Variants in ANKRD30BL observed in about 807,000 individuals in gnomAD.
ANKRD30BL encodes the protein putative ankyrin repeat domain-containing protein 30B-like.
A neutral mutation model predicts 18.4 loss-of-function variants in ANKRD30BL; 20 were observed. The ratio of observed to expected loss-of-function variants is 1.09; its 90% CI spans 0.77 to 1.58. ANKRD30BL has a LOEUF of 1.58. Among genes scored for constraint, ANKRD30BL ranks in the 40% most tolerant of loss-of-function variants. ANKRD30BL has a pLI of 0.00. For synonymous variants in ANKRD30BL, 72 were observed against 100.9 expected (o/e 0.71, Z 1.72); for missense variants, 224 against 268.6 (o/e 0.83, Z 1.16).
chr2:132,181,249 G>A (rs1321452477), intron 1 of ANKRD30BL, among the ~76,000 whole-genome samples: 1 of 151,976 alleles, frequency 6.6e-6, no homozygotes, highest in Non-Finnish European at 1.5e-5. Context: ...TGACGTGGGC[G>A]GATTGCCTGA....
At chr2:132,237,806 C>A (rs561382063) in intron 1 of ANKRD30BL, among the ~76,000 whole-genome samples, 2 of 152,120 alleles carry the variant, frequency 1.3e-5, no homozygotes, top group African/African-American at 4.8e-5. Context: ...AAAAACTAGA[C>A]AGAAGAATTC....
intron 1 of ANKRD30BL, among the ~76,000 whole-genome samples, chr2:132,187,687 T>C (rs1257193085): frequency 6.6e-6 from 1 of 152,168 alleles, no homozygotes; most frequent in East Asian, 1.9e-4. Flanking sequence ...AAAACATTTA[T>C]TTGTCCCAGG....
intron 1 of ANKRD30BL, chr2:132,256,930 G>A (rs750708648): frequency 1.7e-5 from 8 of 484,594 alleles, no homozygotes; most frequent in Admixed American, 1.5e-4. Flanking sequence ...GCGAGGGCAA[G>A]GGCACCTGGG....
At chr2:132,155,354 A>G (rs1213850460) in intron 3 of ANKRD30BL, 4 of 152,196 alleles carry the variant, frequency 2.6e-5, no homozygotes, top group Non-Finnish European at 4.4e-5. Context: ...TTTCAGGGAT[A>G]CAGTTTTGAA....
intron 1 of ANKRD30BL, among the ~76,000 whole-genome samples, chr2:132,224,312 A>T (rs1171586679): frequency 6.6e-6 from 1 of 152,170 alleles, no homozygotes; most frequent in African/African-American, 2.4e-5. Flanking sequence ...ATCTTTATAT[A>T]AAAATGAGAC....
intron 1 of ANKRD30BL, among the ~76,000 whole-genome samples, chr2:132,201,111 G>A (rs947130946): frequency 1.3e-5 from 2 of 151,996 alleles, no homozygotes; most frequent in Non-Finnish European, 1.5e-5. Context: ...GCTGAAACTG[G>A]ATCCCTTCCT....
At chr2:132,226,013 A>C (rs1679834675) in intron 1 of ANKRD30BL, among the ~76,000 whole-genome samples, 1 of 151,934 alleles carries the variant, frequency 6.6e-6, no homozygotes, top group Non-Finnish European at 1.5e-5. Flanking sequence ...AAGTATCTTC[A>C]CATAAAAACT....
At chr2:132,239,234 C>G (rs536926241) in intron 1 of ANKRD30BL, among the ~76,000 whole-genome samples, 4 of 151,594 alleles carry the variant, frequency 2.6e-5, no homozygotes, top group Non-Finnish European at 5.9e-5. Flanking sequence ...TTGAAACACT[C>G]TTTGTAGAAT....
At chr2:132,193,113 C>T (rs1223013791) in intron 1 of ANKRD30BL, among the ~76,000 whole-genome samples, 4 of 152,160 alleles carry the variant, frequency 2.6e-5, no homozygotes, top group African/African-American at 9.7e-5. Flanking sequence ...CACTCAATAA[C>T]CAATCAGACA....
intron 1 of ANKRD30BL, among the ~76,000 whole-genome samples, chr2:132,199,209 A>G (rs1008871317): frequency 6.6e-6 from 1 of 152,028 alleles, no homozygotes; most frequent in African/African-American, 2.4e-5. Flanking sequence ...ATTTAAAAAA[A>G]ATTAGCTTGG....
chr2:132,179,481 G>T (rs1466247126), intron 1 of ANKRD30BL, among the ~76,000 whole-genome samples: 2 of 151,842 alleles, frequency 1.3e-5, no homozygotes, highest in East Asian at 1.9e-4. Context: ...TAGAAACAGG[G>T]TTTCACCATG....
intron 1 of ANKRD30BL, among the ~76,000 whole-genome samples, chr2:132,209,567 A>C (rs13433038): frequency 0.039 from 5,873 of 152,256 alleles, 391 homozygotes; most frequent in African/African-American, 0.13. Flanking sequence ...TGATGTGTGC[A>C]TTCATCTCAC....
In ANKRD30BL at chr2:132,232,766, A is replaced by C. The variant is rs930500613; in HGVS notation, n.441+24763T>G. Among the ~76,000 whole-genome samples the C allele has an allele frequency of 8.5e-5, 13 of 152,168 alleles. No individual in the cohort carries two copies. In the South Asian group the frequency reaches 1.4e-3, roughly 17 times the overall value. On this transcript the variant is annotated intron_variant and non_coding_transcript_variant, in intron 1 of 4. Coordinates refer to the ANKRD30BL transcript ENST00000470729. ...CCCAAGTTGGAAAACACTCTGCAGGATATTACCCAGGAGAACTTCCCCAAT... is the reference window on the plus strand; with the variant it reads ...CCCAAGTTGGAAAACACTCTGCAGGCTATTACCCAGGAGAACTTCCCCAAT...
chr2:132,149,511 A>C (rs1006704139), intron 5 of ANKRD30BL, among the ~76,000 whole-genome samples: 1 of 152,234 alleles, frequency 6.6e-6, no homozygotes, highest in Non-Finnish European at 1.5e-5. Flanking sequence ...TTCTGCACTC[A>C]GTAGGTATCT....
chr2:132,198,289 T>C (rs1348149500), intron 1 of ANKRD30BL, among the ~76,000 whole-genome samples: 1 of 9,722 alleles, frequency 1.0e-4, no homozygotes, highest in Non-Finnish European at 2.8e-4. Context: ...TCTTTCTTTC[T>C]TTCTTTCTTT....
intron 1 of ANKRD30BL, among the ~76,000 whole-genome samples, chr2:132,231,975 C>T (rs1401491273): frequency 1.3e-5 from 2 of 152,218 alleles, no homozygotes; most frequent in Admixed American, 6.6e-5. Flanking sequence ...TCCCAGCATG[C>T]AGCTGGAGAT....
upstream of ANKRD30BL, among the ~76,000 whole-genome samples, chr2:132,163,818 A>C (rs1365927321): frequency 6.6e-6 from 1 of 152,220 alleles, no homozygotes; most frequent in Non-Finnish European, 1.5e-5. Context: ...ATCATGAACA[A>C]AAACCCAAGA....
chr2:132,195,298 G>C (rs1210170704), intron 1 of ANKRD30BL, among the ~76,000 whole-genome samples: 1 of 152,142 alleles, frequency 6.6e-6, no homozygotes, highest in Non-Finnish European at 1.5e-5. Context: ...ATGACATGTA[G>C]AGAACTTCTC....
At chr2:132,179,996 A>C (rs1259943280) in intron 1 of ANKRD30BL, among the ~76,000 whole-genome samples, 1 of 152,196 alleles carries the variant, frequency 6.6e-6, no homozygotes, top group African/African-American at 2.4e-5. Flanking sequence ...AAGTATATTA[A>C]ATAAAAAAAT....
Sources: gnomAD v4.1 joint callset for allele counts (sites outside exome capture counted in the v4.1 genomes callset) on GRCh38, gnomAD v4.1.1 for gene constraint, MANE v1.5 for transcripts, NCBI Gene and HGNC (gene_info 2026-07-23, HGNC 2026-07-21) for gene names.